SLFN12L: variants seen among roughly 807,000 people sequenced by gnomAD.
SLFN12L encodes the protein schlafen family member 12 like.
Under a neutral mutation model 34.8 loss-of-function variants are expected in SLFN12L, and 34 were observed. That is an observed-to-expected ratio of 0.98 (90% CI 0.74 to 1.30). The LOEUF is 1.30. Among genes scored for constraint, SLFN12L ranks in the 50% most tolerant of loss-of-function variants. The pLI, the probability that SLFN12L is intolerant of heterozygous loss-of-function variation, is 0.00. For synonymous variants in SLFN12L, 259 were observed against 247.5 expected (o/e 1.05, Z -0.44); for missense variants, 703 against 696.2 (o/e 1.01, Z -0.11).
At chr17:35,515,239 T>G (rs1597872653) in intron 2 of SLFN12L, 2 of 495,696 alleles carry the variant, frequency 4.0e-6, no homozygotes, top group East Asian at 9.8e-5. Flanking sequence ...AAAGGAGCGG[T>G]TGCCCACAAA....
chr17:35,475,424 A>C lies in SLFN12L; in HGVS notation c.1338T>G (p.His446Gln). 1.2e-6 allele frequency: 2 copies of C among 1,614,074 alleles called. No homozygotes were observed. The highest frequency in any genetic ancestry group is 8.5e-7 in the Non-Finnish European group (1 of 1,179,976). ...KTFCRNLFSQ[H>Q]EGLKQLICEE... ...CACATATTAATTGCTTAAGTCCTTC[A>C]TGTTGTGAGAACAGATTTCTGCAGA... Residue 446 changes from histidine (H) to glutamine (Q), a missense_variant, in exon 5 of 5, where the codon CAT becomes CAG. By Grantham distance (24) the His-to-Gln change is conservative. Coordinates refer to ENST00000628453, the MANE Select transcript of SLFN12L (RefSeq NM_001363830.2).
chr17:35,474,841 G>A lies in SLFN12L; in HGVS notation c.*82C>T. The A allele has an allele frequency of 7.4e-7, 1 of 1,360,370 alleles. No homozygotes were observed. Among genetic ancestry groups the A allele is most frequent in the Non-Finnish European group, 9.7e-7 (1 of 1,027,858 alleles). 84.3% of individuals were successfully genotyped at this position (1,360,370 alleles called of 1,614,324 possible). ...CAGCTACTCGGGAGGCTGAGGCAGG[G>A]AATTGCTTGAACCCAGGAGGCAGAG... On this transcript the variant is annotated 3_prime_UTR_variant, in exon 5 of 5. Transcript: ENST00000628453.
intron 2 of SLFN12L, chr17:35,498,149 G>A (rs1462487744): frequency 2.7e-5 from 16 of 582,052 alleles, no homozygotes; most frequent in Admixed American, 8.3e-5. Context: ...AGAGACGACG[G>A]AGGCGGAAGC....
intron 2 of SLFN12L, among the ~76,000 whole-genome samples, chr17:35,502,724 G>C (rs1915341914): frequency 6.6e-6 from 1 of 152,112 alleles, no homozygotes. Flanking sequence ...TTTACTAAAA[G>C]TTAACAGTGT....
intron 2 of SLFN12L, among the ~76,000 whole-genome samples, chr17:35,484,366 C>T (rs1157308485): frequency 2.6e-5 from 4 of 152,322 alleles, no homozygotes; most frequent in Middle Eastern, 3.4e-3. Context: ...CAAGCGAGGA[C>T]TCCCAATCAT....
At chr17:35,505,440 C>T (rs1321294745) in intron 2 of SLFN12L, among the ~76,000 whole-genome samples, 2 of 152,192 alleles carry the variant, frequency 1.3e-5, no homozygotes, top group African/African-American at 4.8e-5. Flanking sequence ...GATAAGCTAA[C>T]TCTTGGGCAA....
At chr17:35,490,740 T>C in intron 2 of SLFN12L, 2 of 1,482,926 alleles carry the variant, frequency 1.3e-6, no homozygotes, top group East Asian at 2.3e-5. Context: ...TTCGAAAAAT[T>C]AGTGGCCTTA....
intron 2 of SLFN12L, among the ~76,000 whole-genome samples, chr17:35,489,233 T>C (rs1224247411): frequency 6.6e-6 from 1 of 151,606 alleles, no homozygotes; most frequent in Non-Finnish European, 1.5e-5. Context: ...CAAGAAGGCA[T>C]CCAAGAAGTA....
chr17:35,490,039 C>T (rs1473785937), intron 2 of SLFN12L: 2 of 1,602,926 alleles, frequency 1.2e-6, no homozygotes, highest in African/African-American at 1.3e-5. Flanking sequence ...CTTCCACCAC[C>T]TCCTGTTCCC....
In SLFN12L at chr17:35,475,067, G is replaced by C; in HGVS notation, c.1695C>G (p.Tyr565Ter). Residue 565 changes from tyrosine to a stop codon, truncating the protein, a stop_gained, in exon 5 of 5, where the codon TAC (tyrosine) becomes TAG (stop). Transcript: ENST00000628453. LOFTEE classifies it low-confidence loss of function (END_TRUNC). ...TCATTGTTTGAGCTGTTGTCCAATA[G>C]TAGGATTCAGGGTAAATTACTTGCG... is the stretch of plus-strand genomic sequence containing the variant. ...LNSQVIYPES[Y>*]YWTTAQTMKD... is the part of the protein sequence containing the mutation. 1.2e-6 allele frequency: 2 copies of C among 1,613,876 alleles called. No individual in the cohort carries two copies.
At chr17:35,523,732 C>T (rs993294796) in intron 1 of SLFN12L, among the ~76,000 whole-genome samples, 19 of 152,014 alleles carry the variant, frequency 1.2e-4, no homozygotes, top group African/African-American at 3.6e-4. Flanking sequence ...CCCAGGAGTG[C>T]GAGACCAGCC....
Position 35,479,157 on chromosome 17 carries a change from G to C in SLFN12L, c.1125C>G (p.Thr375=), listed in dbSNP as rs767158221. 1 of 1,572,344 alleles carries C rather than the reference G, an allele frequency of 6.4e-7. No individual in the cohort carries two copies. Residue 375 remains threonine (T), a synonymous_variant, in exon 3 of 5, where the codon ACC becomes ACG. Coordinates refer to ENST00000628453, the MANE Select transcript of SLFN12L (RefSeq NM_001363830.2). ...CCATGAACTGGATCCATTCCTTCTC[G>C]GTCAACTGCTTAACTCTGTTATCTT... ...HVKDNRVKQL[T]EKEWIQFMVD...
At position 35,471,750 on chromosome 17, in the gene SLFN12L, C is replaced by T. The variant is rs886749936; in HGVS notation, c.*3173G>A. 2.2e-4 allele frequency among the ~76,000 whole-genome samples: 34 copies of T among 151,416 alleles called. No homozygotes were observed. Among genetic ancestry groups the T allele is most frequent in the Admixed American group, 1.1e-3 (17 of 15,162 alleles). On this transcript the variant is annotated 3_prime_UTR_variant, in exon 5 of 5. Coordinates refer to ENST00000628453, the MANE Select transcript of SLFN12L (RefSeq NM_001363830.2). The stretch of plus-strand genomic sequence containing the variant: ...TCTTTTATCTTGACTTTTCAATAAT[C>T]ACCATTTGACTTGTGTGAGATGGTG...
intron 2 of SLFN12L, chr17:35,490,699 C>A: frequency 8.0e-7 from 1 of 1,253,984 alleles, no homozygotes; most frequent in South Asian, 1.2e-5. Flanking sequence ...TTCAGATCGT[C>A]AAAGGTTAGC....
chr17:35,527,966 C>G (rs550290110), intron 1 of SLFN12L, among the ~76,000 whole-genome samples: 1 of 152,276 alleles, frequency 6.6e-6, no homozygotes, highest in South Asian at 2.1e-4. Flanking sequence ...ACAGTCTCAG[C>G]CCAAAAATCT....
At chr17:35,487,754 CA>C in intron 2 of SLFN12L, 2 of 1,536,092 alleles carry the variant, frequency 1.3e-6, no homozygotes, top group Non-Finnish European at 1.7e-6. Flanking sequence ...GCGCACTCTT[CA>C]CCAAGTAGGG....
Position 35,479,359 on chromosome 17 carries a change from T to G in SLFN12L, c.923A>C (p.Asn308Thr). 6.3e-7 allele frequency: 1 copy of G among 1,595,082 alleles called. No homozygotes were observed. Among genetic ancestry groups the G allele is most frequent in the South Asian group, 1.1e-5 (1 of 89,132 alleles). The stretch of plus-strand genomic sequence containing the variant: ...ATGCACAGGCAGTTTCCCAATGGAA[T>G]TTTTTGTTACTTCTTCTAACTTAGT... ...YLTKLEEVTK[N>T]SIGKLPVHHF... Residue 308 changes from asparagine to threonine, a missense_variant, in exon 3 of 5, where the codon AAT becomes ACT. Transcript: ENST00000628453.
Position 35,475,263 on chromosome 17 carries a change from G to T in SLFN12L, c.1499C>A (p.Thr500Asn). 1 of 1,614,140 alleles carries T rather than the reference G, an allele frequency of 6.2e-7. No individual in the cohort carries two copies. The highest frequency in any genetic ancestry group is 8.5e-7 in the Non-Finnish European group (1 of 1,180,036). ...ISQDKPPVLY[T>N]FHMVQDEEFK... ...CTCCTCATCCTGTACCATGTGGAAG[G>T]TGTATAGGACTGGAGGCTTGTCCTG... The change falls in exon 5 of 5, where the codon ACC (threonine) becomes AAC (asparagine). Residue 500 changes from threonine to asparagine, a missense_variant. Transcript: ENST00000628453.
chr17:35,494,358 G>A (rs1914961089), intron 2 of SLFN12L, among the ~76,000 whole-genome samples: 1 of 151,934 alleles, frequency 6.6e-6, no homozygotes, highest in South Asian at 2.1e-4. Flanking sequence ...TATGGTAAAG[G>A]ATCAATAAAA....
Sources: gnomAD v4.1 joint callset for allele counts (sites outside exome capture counted in the v4.1 genomes callset) on GRCh38, gnomAD v4.1.1 for gene constraint, MANE v1.5 for transcripts, NCBI Gene and HGNC (gene_info 2026-07-23, HGNC 2026-07-21) for gene names.